COG7: variants seen among roughly 807,000 people sequenced by gnomAD.
COG7 encodes the protein conserved oligomeric Golgi complex subunit 7.
A neutral mutation model predicts 91.5 loss-of-function variants in COG7; 49 were observed. That is an observed-to-expected ratio of 0.54 (90% CI 0.43 to 0.68). The LOEUF (loss-of-function observed/expected upper bound fraction) is 0.68, where lower values mean the gene tolerates loss of function less well. COG7 is among the 30% of genes least tolerant of loss of function. The pLI, the probability that COG7 is intolerant of heterozygous loss-of-function variation, is 0.00. For missense variants in COG7, 895 were observed against 961.3 expected, an observed-to-expected ratio of 0.93 and a Z score of 0.91; for synonymous variants, 365 against 388.7, an observed-to-expected ratio of 0.94 and a Z score of 0.72.
intron 2 of COG7, 68 bp from the exon 3 acceptor site, chr16:23,445,232 T>G: frequency 9.3e-7 from 1 of 1,072,678 alleles, no homozygotes; most frequent in Non-Finnish European, 1.5e-6. Flanking sequence ...ACCAGGGACT[T>G]GAAATGTAAG....
At position 23,418,693 on chromosome 16, in the gene COG7, A is replaced by G. The variant is rs1354710579; in HGVS notation, c.1137+7T>C. On this transcript the variant is annotated splice_region_variant and intron_variant, in intron 8 of 16. Coordinates refer to ENST00000307149, the MANE Select transcript of COG7 (RefSeq NM_153603.4). ...TCCTCAGTGGCCCCAGGACACTGCG[A>G]CTTTACCAGAGGCACAGCACTCATC... is the stretch of plus-strand genomic sequence containing the variant. 1 of 1,613,130 alleles carries G rather than the reference A, an allele frequency of 6.2e-7. No homozygotes were observed. The highest frequency in any genetic ancestry group is 2.2e-5 in the East Asian group (1 of 44,886).
At chr16:23,426,986 T>C (rs1226653092) in intron 6 of COG7, among the ~76,000 whole-genome samples, 3 of 152,160 alleles carry the variant, frequency 2.0e-5, no homozygotes, top group African/African-American at 7.2e-5. Context: ...GAGTGGCTCA[T>C]GCCTCTAATC....
intron 16 of COG7, 28 bp from the exon 17 acceptor site, chr16:23,389,114 A>G: frequency 3.1e-6 from 5 of 1,610,904 alleles, no homozygotes; most frequent in Non-Finnish European, 4.2e-6. Flanking sequence ...AGACAGACAG[A>G]GCTCCACAGA....
intron 13 of COG7, among the ~76,000 whole-genome samples, chr16:23,403,397 A>G (rs1963408725): frequency 6.6e-6 from 1 of 152,226 alleles, no homozygotes; most frequent in Non-Finnish European, 1.5e-5. Context: ...GGCCTAACCT[A>G]CGAAGCTGCA....
intron 11 of COG7, 64 bp from the exon 12 acceptor site, chr16:23,406,326 G>T: frequency 7.5e-7 from 1 of 1,336,866 alleles, no homozygotes; most frequent in Non-Finnish European, 1.1e-6. Flanking sequence ...TCTTGGAGCA[G>T]TCAGATTGCT....
At chr16:23,434,821 CA>C in intron 4 of COG7, 103 bp from the exon 5 acceptor site, 1 of 767,126 alleles carries the variant, frequency 1.3e-6, no homozygotes, top group South Asian at 1.4e-5. Flanking sequence ...CTAGTATTCA[CA>C]AGTTCCTGCC....
At chr16:23,433,357 T>C (rs1376752096) in intron 6 of COG7, among the ~76,000 whole-genome samples, 188 bp downstream of exon 6, 1 of 152,130 alleles carries the variant, frequency 6.6e-6, no homozygotes, top group East Asian at 1.9e-4. Flanking sequence ...TTCCAAAGTG[T>C]GGTGATTACA....
intron 6 of COG7, 100 bp downstream of exon 6, chr16:23,433,445 G>A: frequency 6.8e-7 from 1 of 1,472,282 alleles, no homozygotes; most frequent in Non-Finnish European, 9.5e-7. Context: ...GAAGTTCTTT[G>A]AGCTGTGCTC....
chr16:23,446,002 T>C, intron 1 of COG7, 41 bp from the exon 2 acceptor site: 1 of 1,580,332 alleles, frequency 6.3e-7, no homozygotes, highest in Non-Finnish European at 8.5e-7. Context: ...ACAACAGCGA[T>C]AGCCACAAAA....
intron 1 of COG7, among the ~76,000 whole-genome samples, chr16:23,452,431 G>A (rs1163732179): frequency 6.6e-6 from 1 of 152,134 alleles, no homozygotes; most frequent in Non-Finnish European, 1.5e-5. Flanking sequence ...GAATTTGTGG[G>A]GCGCGGTGGC....
intron 11 of COG7, among the ~76,000 whole-genome samples, chr16:23,409,735 G>A (rs1179995542): frequency 2.0e-5 from 3 of 152,142 alleles, no homozygotes; most frequent in African/African-American, 7.2e-5. Context: ...GGCCACCTCA[G>A]GGCAACATAA....
rs766999696 is a variant in COG7 at position 23,389,055 on chromosome 16, G to A, written c.2178C>T (p.Gly726=). 1 of 1,614,062 alleles carries A rather than the reference G, an allele frequency of 6.2e-7. No individual in the cohort carries two copies. Among genetic ancestry groups the A allele is most frequent in the Non-Finnish European group, 8.5e-7 (1 of 1,180,022 alleles). ...DYLINVMDAL[G]LQPSRTLQHI... is the part of the protein sequence containing the mutation. ...GCTGGAGGGTGCGGGACGGCTGCAG[G>A]CCCAGGGCATCCATCACGTTGATCA... The change falls in exon 17 of 17, where the codon GGC becomes GGT. Residue 726 remains glycine, a synonymous_variant. Transcript: ENST00000307149.
At chr16:23,409,064 C>CGTGTGTGTGTGTGTGT (rs139188327) in intron 11 of COG7, among the ~76,000 whole-genome samples, 3 of 141,410 alleles carry the variant, frequency 2.1e-5, no homozygotes, top group South Asian at 2.3e-4. Flanking sequence ...AGTGTGCATG[C>CGTGTGTGTGTGTGTGT]GTGTGTGTGT....
intron 6 of COG7, among the ~76,000 whole-genome samples, chr16:23,431,884 G>GT (rs1963940769): frequency 6.6e-6 from 1 of 151,566 alleles, no homozygotes; most frequent in Non-Finnish European, 1.5e-5. Context: ...GCTCATGCCT[G>GT]TAATCCCAGC....
intron 16 of COG7, chr16:23,389,969 A>G (rs1963163422): frequency 1.3e-5 from 2 of 152,338 alleles, no homozygotes; most frequent in South Asian, 4.1e-4. Flanking sequence ...CCATCTGTCC[A>G]CAGTTACCAC....
At chr16:23,435,461 T>C (rs1300227159) in intron 4 of COG7, among the ~76,000 whole-genome samples, 2 of 152,238 alleles carry the variant, frequency 1.3e-5, no homozygotes, top group African/African-American at 4.8e-5. Flanking sequence ...ACCCAAGTTA[T>C]GGGCTTAATA....
intron 12 of COG7, among the ~76,000 whole-genome samples, chr16:23,404,996 T>C (rs1317496666): frequency 1.3e-5 from 2 of 152,132 alleles, no homozygotes. Context: ...AGAGTGAAGT[T>C]AAAGCCAGAC....
At chr16:23,397,487 G>T (rs1239625037) in intron 14 of COG7, among the ~76,000 whole-genome samples, 2 of 152,180 alleles carry the variant, frequency 1.3e-5, no homozygotes, top group Admixed American at 1.3e-4. Context: ...ATTCCCAGGG[G>T]TGAATGGGGA....
intron 10 of COG7, 52 bp downstream of exon 10, chr16:23,413,396 T>G: frequency 1.0e-6 from 1 of 954,326 alleles, no homozygotes; most frequent in Non-Finnish European, 1.7e-6. Flanking sequence ...ATATCATGCA[T>G]GTTTATGCTG....
Sources: allele counts gnomAD v4.1 joint callset (sites outside exome capture counted in the v4.1 genomes callset), GRCh38; gene constraint gnomAD v4.1.1; transcripts MANE v1.5; gene names NCBI Gene and HGNC (gene_info 2026-07-23, HGNC 2026-07-21).